Variants in TBX1 observed in about 807,000 individuals in gnomAD.
The protein encoded by TBX1 is T-box transcription factor 1.
Under a neutral mutation model 40.8 loss-of-function variants are expected in TBX1, and 16 were observed. The ratio of observed to expected loss-of-function variants is 0.39; its 90% CI spans 0.27 to 0.60. TBX1 has a LOEUF of 0.60. Among genes scored for constraint, TBX1 ranks in the 20% least tolerant of loss-of-function variants. The probability of loss-of-function intolerance (pLI) is 0.51; values close to 1 mark genes in which losing one functional copy is unlikely to be tolerated. For synonymous variants in TBX1, 403 were observed against 336.8 expected, an observed-to-expected ratio of 1.20 and a Z score of -2.15; for missense variants, 755 against 728.5, an observed-to-expected ratio of 1.04 and a Z score of -0.42.
downstream of TBX1, chr22:19,783,300 CCCA>C: frequency 2.3e-6 from 1 of 436,482 alleles, no homozygotes; most frequent in South Asian, 2.1e-5. Context: ...TTCTCTACAC[CCCA>C]CATTTTACAG....
downstream of TBX1, among the ~76,000 whole-genome samples, chr22:19,768,953 C>CTTTTTTTTTTTGTTTTT (rs1936939777): frequency 1.5e-5 from 1 of 66,108 alleles, no homozygotes; most frequent in Non-Finnish European, 3.0e-5. Flanking sequence ...TGTTCGCATT[C>CTTTTTTTTTTTGTTTTT]TTTTTTTTTT....
upstream of TBX1, chr22:19,759,770 T>C: frequency 7.0e-7 from 1 of 1,433,014 alleles, no homozygotes; most frequent in Non-Finnish European, 9.7e-7. Flanking sequence ...TGGAGGCAGC[T>C]CTTGGTAGCG....
intron 2 of TBX1, 71 bp downstream of exon 2, chr22:19,763,413 C>T: frequency 2.1e-6 from 3 of 1,439,426 alleles, no homozygotes. Context: ...CGCCTGGTGA[C>T]CCAACTCCAA....
At chr22:19,759,501 C>T, upstream of TBX1, 2 of 1,497,080 alleles carry the variant, frequency 1.3e-6, no homozygotes, top group Non-Finnish European at 1.8e-6. Flanking sequence ...CCTATGGACG[C>T]GCGGAGCCCG....
rs1936826165 is a variant in TBX1, at chr22:19,766,006, G to C, written c.1036+4G>C. 6.7e-7 allele frequency: 1 copy of C among 1,498,876 alleles called. No homozygotes were observed. The highest frequency in any genetic ancestry group is 1.2e-5 in the South Asian group (1 of 80,398). 92.8% of individuals were successfully genotyped at this position (1,498,876 alleles called of 1,614,324 possible). A position where few individuals can be genotyped will look rare whatever the true frequency, so the allele number is the denominator to read the frequency against. On this transcript the variant is annotated splice_donor_region_variant and intron_variant, in intron 6 of 6. Coordinates refer to ENST00000649276, the MANE Select transcript of TBX1 (RefSeq NM_001379200.1). Reference sequence around the variant, plus strand: ...CAGCCCAGCGGCACGGAGAAAGGTAGGGCCGGGGTCGTGGGATCCGGGTTC... The same window carrying C: ...CAGCCCAGCGGCACGGAGAAAGGTACGGCCGGGGTCGTGGGATCCGGGTTC...
intron 8 of TBX1, among the ~76,000 whole-genome samples, chr22:19,774,517 AC>A (rs1937036289): frequency 6.6e-6 from 1 of 152,208 alleles, no homozygotes; most frequent in Non-Finnish European, 1.5e-5. Context: ...ATATTTCTCC[AC>A]CCATGTTCAT....
At chr22:19,762,940 G>A (rs1000275590) in intron 1 of TBX1, among the ~76,000 whole-genome samples, 3 of 152,224 alleles carry the variant, frequency 2.0e-5, no homozygotes, top group African/African-American at 7.2e-5. Flanking sequence ...AGTCAGCAAG[G>A]GCGAGGCCGA....
At chr22:19,764,399 A>T (rs1936765866) in intron 3 of TBX1, 73 bp downstream of exon 3, 1 of 1,584,396 alleles carries the variant, frequency 6.3e-7, no homozygotes, top group Non-Finnish European at 8.6e-7. Flanking sequence ...TGTCCCTAAG[A>T]GGCCTGTAGA....
chr22:19,763,799 A>C (rs1378636517), intron 2 of TBX1: 3 of 445,492 alleles, frequency 6.7e-6, no homozygotes, highest in African/African-American at 5.9e-5. Flanking sequence ...AATAAAGAGA[A>C]CGCGCACTGC....
chr22:19,768,331 C>G (rs1459174025), downstream of TBX1, among the ~76,000 whole-genome samples: 1 of 152,196 alleles, frequency 6.6e-6, no homozygotes, highest in East Asian at 1.9e-4. Context: ...CCTCGCGGAC[C>G]TGTTTTTCGT....
At chr22:19,759,147 G>GCC (rs1936556387), upstream of TBX1, among the ~76,000 whole-genome samples, 2 of 152,220 alleles carry the variant, frequency 1.3e-5, no homozygotes, top group Non-Finnish European at 2.9e-5. Context: ...GGCTGTAGAA[G>GCC]CTGACGGTGG....
At chr22:19,762,077 C>G (rs1435579346) in intron 1 of TBX1, among the ~76,000 whole-genome samples, 1 of 152,254 alleles carries the variant, frequency 6.6e-6, no homozygotes, top group Non-Finnish European at 1.5e-5. Flanking sequence ...TTCTGTTTCC[C>G]TGCTGCCGGC....
intron 8 of TBX1, among the ~76,000 whole-genome samples, chr22:19,774,041 T>G (rs1460285888): frequency 6.6e-6 from 1 of 152,218 alleles, no homozygotes; most frequent in Non-Finnish European, 1.5e-5. Context: ...AAGGTGAATA[T>G]TAAAGACTTG....
chr22:19,780,839 G>C (rs1355538791), downstream of TBX1, among the ~76,000 whole-genome samples: 1 of 141,398 alleles, frequency 7.1e-6, no homozygotes, highest in East Asian at 2.2e-4. Flanking sequence ...CTGGAGTGCA[G>C]TGGCGCGATC....
Position 19,766,516 on chromosome 22 carries a change from C to T in TBX1, c.1164C>T (p.Ala388=). 2.3e-6 allele frequency: 3 copies of T among 1,314,586 alleles called. No individual in the cohort carries two copies. The highest frequency in any genetic ancestry group is 2.1e-5 in the South Asian group (1 of 47,076). The allele number at this position is 1,314,586 out of a possible 1,614,324, so 81.4% of individuals were successfully genotyped here. ...LSPSLPGAGG[A]GGLVPLPGAP... The stretch of plus-strand genomic sequence containing the variant: ...CCTCGCTGCCCGGGGCCGGCGGCGC[C>T]GGCGGCTTAGTCCCGCTGCCCGGCG... The change falls in exon 7 of 7, where the codon GCC becomes GCT. Residue 388 remains alanine, a synonymous_variant. Transcript: ENST00000649276.
intron 1 of TBX1, 41 bp downstream of exon 1, chr22:19,761,321 C>A: frequency 1.3e-6 from 2 of 1,518,138 alleles, no homozygotes; most frequent in Non-Finnish European, 1.8e-6. Context: ...TCCCCACGTG[C>A]TGCCGCCAGG....
chr22:19,765,298 CG>C, intron 4 of TBX1, among the ~76,000 whole-genome samples, 185 bp downstream of exon 4: 1 of 152,302 alleles, frequency 6.6e-6, no homozygotes, highest in South Asian at 2.1e-4. Context: ...CGAGGCTGGC[CG>C]GCCCAGCCTC....
chr22:19,760,383 A>G (rs1936605542), upstream of TBX1, among the ~76,000 whole-genome samples: 1 of 150,614 alleles, frequency 6.6e-6, no homozygotes, highest in Non-Finnish European at 1.5e-5. Flanking sequence ...AAGAGAAACT[A>G]CAGAGATAGG....
chr22:19,765,146 C>G, intron 4 of TBX1, 33 bp downstream of exon 4: 1 of 1,613,924 alleles, frequency 6.2e-7, no homozygotes. Flanking sequence ...TGAGCGGATT[C>G]AACGCCTCTG....
Sources: gnomAD v4.1 joint callset for allele counts (sites outside exome capture counted in the v4.1 genomes callset) on GRCh38, gnomAD v4.1.1 for gene constraint, MANE v1.5 for transcripts, NCBI Gene and HGNC (gene_info 2026-07-23, HGNC 2026-07-21) for gene names.